FLRT3: variants seen among roughly 807,000 people sequenced by gnomAD.
FLRT3 encodes the protein leucine-rich repeat transmembrane protein FLRT3.
Under a neutral mutation model 42.6 loss-of-function variants are expected in FLRT3, and 17 were observed. The ratio of observed to expected loss-of-function variants is 0.40; its 90% CI spans 0.27 to 0.60. The LOEUF is 0.60. FLRT3 is among the 20% of genes least tolerant of loss of function. The probability of loss-of-function intolerance (pLI) is 0.44; values close to 1 mark genes in which losing one functional copy is unlikely to be tolerated. For missense variants in FLRT3, 635 were observed against 789.2 expected, an observed-to-expected ratio of 0.80 and a Z score of 2.34; for synonymous variants, 279 against 286.4, an observed-to-expected ratio of 0.97 and a Z score of 0.26.
At chr20:14,337,328 A>G (rs551747281) in intron 1 of FLRT3, 76 bp downstream of exon 1, 35 of 327,592 alleles carry the variant, frequency 1.1e-4, no homozygotes, top group African/African-American at 6.8e-4. Context: ...CATAGTATCA[A>G]GTCGTTTCTT....
intron 1 of FLRT3, among the ~76,000 whole-genome samples, chr20:14,336,282 C>A (rs1283797407): frequency 2.0e-5 from 3 of 151,212 alleles, no homozygotes; most frequent in Admixed American, 6.6e-5. Context: ...TTAAAATAGC[C>A]TTATTATTAA....
In FLRT3 at chr20:14,337,539, G is replaced by A. The variant is rs1425709200; in HGVS notation, c.-382C>T. Reference sequence around the variant, plus strand: ...CCACACAAAGCCCACGGCAGCTGCAGGCTGAGCTTGTCCTGCTTCAGATCA... The same window carrying A: ...CCACACAAAGCCCACGGCAGCTGCAAGCTGAGCTTGTCCTGCTTCAGATCA... On this transcript the variant is annotated 5_prime_UTR_variant, in exon 1 of 3. Coordinates refer to ENST00000341420, the MANE Select transcript of FLRT3 (RefSeq NM_198391.3). The A allele has an allele frequency of 7.5e-6, 3 of 398,524 alleles. No individual in the cohort carries two copies. The highest frequency in any genetic ancestry group is 4.4e-5 in the Admixed American group (1 of 22,700). 24.7% of individuals were successfully genotyped at this position (398,524 alleles called of 1,614,324 possible). A position where few individuals can be genotyped will look rare whatever the true frequency, so the allele number is the denominator to read the frequency against.
rs1601504570 is a variant in FLRT3 at position 14,337,583 on chromosome 20, A to T, written c.-426T>A. On this transcript the variant is annotated 5_prime_UTR_variant, in exon 1 of 3. Transcript: ENST00000341420. Reference sequence around the variant, plus strand: ...CAGATCACTCCTACACTGAGGAGTGAGCGAGGGAGAGCATTCCAGTTTACT... The same window carrying T: ...CAGATCACTCCTACACTGAGGAGTGTGCGAGGGAGAGCATTCCAGTTTACT... The T allele has an allele frequency of 5.0e-6, 2 of 398,534 alleles. No homozygotes were observed. Among genetic ancestry groups the T allele is most frequent in the East Asian group, 7.1e-5 (2 of 28,066 alleles). The allele number at this position is 398,534 out of a possible 1,614,324, so 24.7% of individuals were successfully genotyped here.
chr20:14,333,453 T>C (rs932801680), intron 1 of FLRT3, among the ~76,000 whole-genome samples: 1 of 152,080 alleles, frequency 6.6e-6, no homozygotes, highest in Non-Finnish European at 1.5e-5. Context: ...GTAAATGAAT[T>C]AGAGAACAAG....
chr20:14,331,858 A>G (rs373247686), intron 1 of FLRT3, among the ~76,000 whole-genome samples: 8 of 152,124 alleles, frequency 5.3e-5, no homozygotes, highest in African/African-American at 1.4e-4. Flanking sequence ...GATGAAAAGA[A>G]AAATGACCCC....
intron 2 of FLRT3, 124 bp from the exon 3 acceptor site, chr20:14,327,682 G>A (rs901581430): frequency 4.2e-6 from 3 of 712,700 alleles, no homozygotes; most frequent in Non-Finnish European, 6.5e-6. Context: ...TTTGTTTTGG[G>A]AGGGGGCATA....
At chr20:14,331,650 C>T (rs942464718) in intron 1 of FLRT3, among the ~76,000 whole-genome samples, 13 of 152,074 alleles carry the variant, frequency 8.5e-5, no homozygotes, top group East Asian at 1.9e-4. Flanking sequence ...TGTTTAACTA[C>T]GTTTTATATC....
chr20:14,328,738 C>T (rs1257374587), intron 2 of FLRT3, among the ~76,000 whole-genome samples: 1 of 152,060 alleles, frequency 6.6e-6, no homozygotes, highest in Admixed American at 6.6e-5. Flanking sequence ...ACCTCCAGAT[C>T]AGGCTTGCTG....
chr20:14,332,660 T>C (rs2122618234), intron 1 of FLRT3, among the ~76,000 whole-genome samples: 1 of 152,292 alleles, frequency 6.6e-6, no homozygotes, highest in Non-Finnish European at 1.5e-5. Context: ...TGCTGGGGAC[T>C]TTTAAAAATA....
At chr20:14,337,005 A>G (rs2082950653) in intron 1 of FLRT3, among the ~76,000 whole-genome samples, 1 of 152,216 alleles carries the variant, frequency 6.6e-6, no homozygotes, top group South Asian at 2.1e-4. Flanking sequence ...TTTCTTTCAC[A>G]GTTGTAAAAA....
intron 1 of FLRT3, among the ~76,000 whole-genome samples, chr20:14,334,676 G>C (rs2082905311): frequency 6.6e-6 from 1 of 151,842 alleles, no homozygotes; most frequent in Non-Finnish European, 1.5e-5. Flanking sequence ...GGGAGGGAAG[G>C]GGGAAGGAGG....
At position 14,323,609 on chromosome 20, in the gene FLRT3, C is replaced by T. The variant is rs924227985; in HGVS notation, c.*1948G>A. ...GTAAGTCCCAACCCTATAATCATGT[C>T]TTGGTCTTTTCAATGATCAGACTTT... is the stretch of plus-strand genomic sequence containing the variant. On this transcript the variant is annotated 3_prime_UTR_variant, in exon 3 of 3. Coordinates refer to ENST00000341420, the MANE Select transcript of FLRT3 (RefSeq NM_198391.3). 6.6e-6 allele frequency: 1 copy of T among 152,126 alleles called. No individual in the cohort carries two copies. The highest frequency in any genetic ancestry group is 1.5e-5 in the Non-Finnish European group (1 of 68,026). The allele number at this position is 152,126 out of a possible 1,614,324, so 9.4% of individuals were successfully genotyped here.
chr20:14,327,046 T>C lies in FLRT3; in HGVS notation c.461A>G (p.Asn154Ser). 1 of 1,613,768 alleles carries C rather than the reference T, an allele frequency of 6.2e-7. No homozygotes were observed. The highest frequency in any genetic ancestry group is 8.5e-7 in the Non-Finnish European group (1 of 1,179,796). The change falls in exon 3 of 3, where the codon AAC becomes AGC. Residue 154 changes from asparagine (N) to serine (S), a missense_variant. Asn to Ser is a conservative substitution (Grantham distance 46). Transcript: ENST00000341420. ...GGACAGGAAAAGCAGTCGGAGATAG[T>C]TGCTGTCTCGGAATGCTCCCTCTTC... Reference protein sequence around the residue: ...SIEEGAFRDSNYLRLLFLSRN... With the variant: ...SIEEGAFRDSSYLRLLFLSRN...
chr20:14,333,295 C>T (rs543486080), intron 1 of FLRT3, among the ~76,000 whole-genome samples: 50 of 152,202 alleles, frequency 3.3e-4, no homozygotes, highest in African/African-American at 1.1e-3. Context: ...TTATTTTCCC[C>T]GGTACGTTTC....
Position 14,325,906 on chromosome 20 carries a change from C to T in FLRT3, c.1601G>A (p.Gly534Asp), listed in dbSNP as rs781339838. The T allele has an allele frequency of 6.2e-7, 1 of 1,613,932 alleles. No individual in the cohort carries two copies. ...AATGGTAACCAGGGCCACAGCCCCACCAATGATGGCAGCCAAAGGTAAATT... is the reference window on the plus strand; with the variant it reads ...AATGGTAACCAGGGCCACAGCCCCATCAATGATGGCAGCCAAAGGTAAATT... ...NPNLPLAAII[G>D]GAVALVTIAL... Residue 534 changes from glycine to aspartate, a missense_variant, in exon 3 of 3, where the codon GGT becomes GAT. Physicochemically the swap from Gly to Asp is moderately conservative, Grantham distance 94 (BLOSUM62 -1). Transcript: ENST00000341420.
In FLRT3 at chr20:14,327,479, G is replaced by A; in HGVS notation, c.28C>T (p.Leu10Phe). The A allele has an allele frequency of 6.2e-7, 1 of 1,613,182 alleles. No homozygotes were observed. Among genetic ancestry groups the A allele is most frequent in the East Asian group, 2.2e-5 (1 of 44,860 alleles). Residue 10 changes from leucine (L) to phenylalanine (F), a missense_variant, in exon 3 of 3, where the codon CTC becomes TTC. Coordinates refer to ENST00000341420, the MANE Select transcript of FLRT3 (RefSeq NM_198391.3). MISAAWSIF[L>F]IGTKIGLFLQ... Reference sequence around the variant, plus strand: ...AACAGCCCAATTTTAGTCCCGATGAGGAAGATGCTCCAGGCTGCGCTGATC... The same window carrying A: ...AACAGCCCAATTTTAGTCCCGATGAAGAAGATGCTCCAGGCTGCGCTGATC...
chr20:14,329,743 C>CT (rs138846320), intron 1 of FLRT3, among the ~76,000 whole-genome samples: 2,720 of 152,136 alleles, frequency 0.018, 81 homozygotes, highest in African/African-American at 0.062. Context: ...TTAGGCATTT[C>CT]TGAACATGAT....
chr20:14,330,371 A>G (rs1350206816), intron 1 of FLRT3, among the ~76,000 whole-genome samples: 1 of 152,020 alleles, frequency 6.6e-6, no homozygotes, highest in Non-Finnish European at 1.5e-5. Flanking sequence ...ACATTTGAGT[A>G]TCCTGGAAAT....
intron 1 of FLRT3, among the ~76,000 whole-genome samples, chr20:14,335,150 G>T (rs2082914156): frequency 6.6e-6 from 1 of 152,112 alleles, no homozygotes; most frequent in Admixed American, 6.6e-5. Flanking sequence ...TAGGGTGTGT[G>T]GCCAAGAAAA....
Sources: gnomAD v4.1 joint callset for allele counts (sites outside exome capture counted in the v4.1 genomes callset) on GRCh38, gnomAD v4.1.1 for gene constraint, MANE v1.5 for transcripts, NCBI Gene and HGNC (gene_info 2026-07-23, HGNC 2026-07-21) for gene names.